RAB38: variants seen among roughly 807,000 people sequenced by gnomAD.
RAB38 encodes RAB38, member RAS oncogene family.
RAB38 carries 15 observed loss-of-function variants against 18.4 expected under a neutral mutation model. The observed-to-expected ratio is 0.82, with a 90% CI of 0.55 to 1.26. The LOEUF (loss-of-function observed/expected upper bound fraction) is 1.26. RAB38 is among the 50% of genes most tolerant of loss of function. The probability of loss-of-function intolerance (pLI) is 0.00; values close to 1 mark genes in which losing one functional copy is unlikely to be tolerated. For synonymous variants in RAB38, 101 were observed against 104.4 expected (o/e 0.97, Z 0.20); for missense variants, 294 against 267.4 (o/e 1.10, Z -0.69).
At chr11:88,156,808 G>C (rs1943132717) in intron 1 of RAB38, among the ~76,000 whole-genome samples, 1 of 152,146 alleles carries the variant, frequency 6.6e-6, no homozygotes, top group Non-Finnish European at 1.5e-5. Flanking sequence ...GTTACCACTA[G>C]ACAAGCCTTA....
the RAB38 span, among the ~76,000 whole-genome samples, chr11:87,878,112 T>C: frequency 6.7e-6 from 1 of 149,328 alleles, no homozygotes; most frequent in Non-Finnish European, 1.5e-5. Flanking sequence ...GGATCAGAAC[T>C]CATTTTGCCT....
chr11:87,824,959 G>T, the RAB38 span, among the ~76,000 whole-genome samples: 1 of 152,090 alleles, frequency 6.6e-6, no homozygotes, highest in South Asian at 2.1e-4. Context: ...AGAACACCTG[G>T]AATGAAGAAC....
At chr11:88,069,195 C>T in the RAB38 span, among the ~76,000 whole-genome samples, 6 of 152,336 alleles carry the variant, frequency 3.9e-5, no homozygotes, top group East Asian at 1.2e-3. Context: ...AGCACCCGGG[C>T]CAGGAGGTGC....
At chr11:87,868,675 C>A in the RAB38 span, among the ~76,000 whole-genome samples, 1 of 148,214 alleles carries the variant, frequency 6.7e-6, no homozygotes, top group Non-Finnish European at 1.5e-5. Context: ...AGACACACAA[C>A]TAGGCCATAT....
At chr11:87,885,418 C>G in the RAB38 span, among the ~76,000 whole-genome samples, 1 of 150,748 alleles carries the variant, frequency 6.6e-6, no homozygotes, top group Non-Finnish European at 1.5e-5. Context: ...CACTTACCAC[C>G]CTGAATATTC....
the RAB38 span, among the ~76,000 whole-genome samples, chr11:88,063,518 C>T: frequency 1.3e-5 from 2 of 152,076 alleles, no homozygotes; most frequent in Non-Finnish European, 1.5e-5. Flanking sequence ...CCCTGTCAGA[C>T]AGTAAAGCCA....
At chr11:88,017,092 G>A in the RAB38 span, among the ~76,000 whole-genome samples, 1 of 152,034 alleles carries the variant, frequency 6.6e-6, no homozygotes, top group East Asian at 1.9e-4. Context: ...TTTGAAGGAG[G>A]AGCAGCAGCT....
At chr11:87,921,885 T>C in the RAB38 span, among the ~76,000 whole-genome samples, 1 of 151,936 alleles carries the variant, frequency 6.6e-6, no homozygotes, top group Non-Finnish European at 1.5e-5. Context: ...AAAGAGATGA[T>C]CTAGTCTTCT....
At chr11:88,026,798 A>G in the RAB38 span, among the ~76,000 whole-genome samples, 1 of 152,180 alleles carries the variant, frequency 6.6e-6, no homozygotes, top group African/African-American at 2.4e-5. Context: ...CAGAGAAATC[A>G]TTAATTGGTA....
chr11:88,164,076 G>T (rs968635606), intron 1 of RAB38, among the ~76,000 whole-genome samples: 1 of 152,052 alleles, frequency 6.6e-6, no homozygotes, highest in African/African-American at 2.4e-5. Flanking sequence ...AAGCTCAAAT[G>T]TATTACATAA....
the RAB38 span, among the ~76,000 whole-genome samples, chr11:87,851,839 C>T: frequency 1.3e-5 from 2 of 152,032 alleles, no homozygotes; most frequent in African/African-American, 4.8e-5. Flanking sequence ...AAGAGGTTTT[C>T]CTAGACACTT....
At chr11:88,052,935 T>TATATTTCATATATATATATATATATC in the RAB38 span, among the ~76,000 whole-genome samples, 35 of 85,792 alleles carry the variant, frequency 4.1e-4, 1 homozygote, top group Non-Finnish European at 6.2e-4. Context: ...TATATATATA[T>TATATTTCATATATATATATATATATC]ATATATATAA....
the RAB38 span, among the ~76,000 whole-genome samples, chr11:87,853,537 T>C: frequency 6.6e-6 from 1 of 152,192 alleles, no homozygotes; most frequent in Non-Finnish European, 1.5e-5. Context: ...ACACAGTCTA[T>C]GGTACTTTGT....
the RAB38 span, among the ~76,000 whole-genome samples, chr11:87,859,569 A>G: frequency 6.6e-6 from 1 of 152,068 alleles, no homozygotes; most frequent in Non-Finnish European, 1.5e-5. Flanking sequence ...ACATACCTTT[A>G]AATGGCCTGG....
At chr11:88,065,142 A>T in the RAB38 span, among the ~76,000 whole-genome samples, 1 of 152,208 alleles carries the variant, frequency 6.6e-6, no homozygotes, top group African/African-American at 2.4e-5. Context: ...ATGAAGGGAA[A>T]GCTTGGTGTT....
the RAB38 span, among the ~76,000 whole-genome samples, chr11:87,855,648 A>C: frequency 6.6e-6 from 1 of 152,192 alleles, no homozygotes; most frequent in Admixed American, 6.5e-5. Flanking sequence ...ATGATAAGAT[A>C]AAAGAAATTA....
chr11:88,145,967 G>T (rs995128924), intron 2 of RAB38, among the ~76,000 whole-genome samples: 18 of 152,252 alleles, frequency 1.2e-4, no homozygotes, highest in African/African-American at 3.9e-4. Flanking sequence ...GAATGCAAAG[G>T]TTAAAAACCA....
chr11:88,063,644 C>G, the RAB38 span, among the ~76,000 whole-genome samples: 1,421 of 152,254 alleles, frequency 9.3e-3, 22 homozygotes, highest in African/African-American at 0.031. Context: ...AAGGGCAGGG[C>G]CAGGTGGAGA....
chr11:88,145,422 C>G (rs761106828), intron 2 of RAB38, among the ~76,000 whole-genome samples: 1 of 152,132 alleles, frequency 6.6e-6, no homozygotes, highest in African/African-American at 2.4e-5. Context: ...GCTGAGATTA[C>G]AGCCGTGAGC....
Sources: gnomAD v4.1 joint callset for allele counts (sites outside exome capture counted in the v4.1 genomes callset) on GRCh38, gnomAD v4.1.1 for gene constraint, MANE v1.5 for transcripts, NCBI Gene and HGNC (gene_info 2026-07-23, HGNC 2026-07-21) for gene names.